The following ANGPTL7 variants were observed in gnomAD, a reference collection of about 807,000 sequenced individuals.
ANGPTL7 encodes the protein angiopoietin like 7, also known as angiopoietin-related protein 7.
A neutral mutation model predicts 38.8 loss-of-function variants in ANGPTL7; 37 were observed. That is an observed-to-expected ratio of 0.95 (90% CI 0.73 to 1.25). The LOEUF (loss-of-function observed/expected upper bound fraction) is 1.25, where lower values mean the gene tolerates loss of function less well. Among genes scored for constraint, ANGPTL7 ranks in the 50% most tolerant of loss-of-function variants. The pLI is 0.00. For missense variants in ANGPTL7, 427 were observed against 438.6 expected (o/e 0.97, Z 0.24); for synonymous variants, 166 against 163.2 (o/e 1.02, Z -0.13).
Position 11,193,745 on chromosome 1 carries a change from C to A in ANGPTL7, c.643C>A (p.Gln215Lys), listed in dbSNP as rs753849464. The A allele has an allele frequency of 6.2e-7, 1 of 1,614,152 alleles. No individual in the cohort carries two copies. The highest frequency in any genetic ancestry group is 8.5e-7 in the Non-Finnish European group (1 of 1,180,018). Residue 215 changes from glutamine to lysine, a missense_variant, in exon 3 of 5, where the codon CAG (glutamine) becomes AAG (lysine). By Grantham distance (53) the Gln-to-Lys change is moderately conservative (BLOSUM62 1). Transcript: ENST00000376819. ...GNEHIHRLSRQPTRLRVEMED... is the reference protein window; with the variant it reads ...GNEHIHRLSRKPTRLRVEMED... ...CGAACACATCCACCGGCTCTCCAGACAGCCAACCCGGCTGCGTGTAGAGAT... is the reference window on the plus strand; with the variant it reads ...CGAACACATCCACCGGCTCTCCAGAAAGCCAACCCGGCTGCGTGTAGAGAT...
chr1:11,192,467 A>G (rs1033439041), intron 2 of ANGPTL7, 97 bp downstream of exon 2: 7 of 1,114,104 alleles, frequency 6.3e-6, no homozygotes, highest in Non-Finnish European at 9.3e-6. Flanking sequence ...TAAAGAAAGG[A>G]AAATTCGGCT....
At position 11,195,044 on chromosome 1, in the gene ANGPTL7, C is replaced by T. The variant is rs758209697; in HGVS notation, c.*21C>T. The T allele has an allele frequency of 2.5e-5, 40 of 1,610,694 alleles. No homozygotes were observed. Among genetic ancestry groups the T allele is most frequent in the South Asian group, 4.4e-5 (4 of 90,726 alleles). ...CTTAAAAGGAGGCTGCCGTGGAGCA[C>T]GGATACAGAAACTGAGACACGTGGA... On this transcript the variant is annotated 3_prime_UTR_variant, in exon 5 of 5. Coordinates refer to ENST00000376819, the MANE Select transcript of ANGPTL7 (RefSeq NM_021146.4).
At chr1:11,193,247 T>C (rs1645620876) in intron 2 of ANGPTL7, among the ~76,000 whole-genome samples, 1 of 151,630 alleles carries the variant, frequency 6.6e-6, no homozygotes, top group Non-Finnish European at 1.5e-5. Flanking sequence ...GAGGTGGAGG[T>C]TGCAGTGAGC....
intron 2 of ANGPTL7, among the ~76,000 whole-genome samples, chr1:11,192,635 G>A (rs1645587045): frequency 1.3e-5 from 2 of 151,224 alleles, no homozygotes; most frequent in Admixed American, 6.6e-5. Flanking sequence ...GTGGGCACCT[G>A]TAATCCCTGC....
In ANGPTL7 at chr1:11,194,651, T is replaced by A. The variant is rs747046261; in HGVS notation, c.863T>A (p.Leu288His). 48 of 1,614,040 alleles carry A rather than the reference T, an allele frequency of 3.0e-5. No individual in the cohort carries two copies. The highest frequency in any genetic ancestry group is 3.7e-5 in the Non-Finnish European group (44 of 1,180,002). Residue 288 changes from leucine (L) to histidine (H), a missense_variant, in exon 4 of 5, where the codon CTC becomes CAC. Transcript: ENST00000376819. ...NDNCLDKCAQ[L>H]RKGGYWYNCC... is the part of the protein sequence containing the mutation. ...AACTGCTTGGACAAGTGTGCACAGC[T>A]CCGCAAAGGTGAGATTTGGGGGGAC...
At position 11,189,578 on chromosome 1, in the gene ANGPTL7, A is replaced by AGATGCT. The variant is rs761059037; in HGVS notation, c.2_7dup. On this transcript the variant is annotated 5_prime_UTR_variant, in exon 1 of 5. In the 5' UTR this introduces an upstream ATG that the reference lacks. Transcript: ENST00000376819. The stretch of plus-strand genomic sequence containing the variant: ...AGCCTTCCTCACCCAAACCCACAAA[A>AGATGCT]GATGCTGAAAAAGCCTCTCTCAGCT... 6.3e-7 allele frequency: 1 copy of AGATGCT among 1,592,838 alleles called. No homozygotes were observed. Among genetic ancestry groups the AGATGCT allele is most frequent in the African/African-American group, 1.3e-5 (1 of 74,124 alleles).
In ANGPTL7 at chr1:11,195,192, G is replaced by C. The variant is rs1264780902; in HGVS notation, c.*169G>C. ...AGCACAAAAAAATCATATGTACCAAGGATGTTACAGTAAACAGGATGAACT... is the reference window on the plus strand; with the variant it reads ...AGCACAAAAAAATCATATGTACCAACGATGTTACAGTAAACAGGATGAACT... On this transcript the variant is annotated 3_prime_UTR_variant, in exon 5 of 5. Transcript: ENST00000376819. The C allele has an allele frequency of 1.4e-6, 1 of 726,860 alleles. No homozygotes were observed. The highest frequency in any genetic ancestry group is 2.2e-6 in the Non-Finnish European group (1 of 451,266). The allele number at this position is 726,860 out of a possible 1,614,324, so 45.0% of individuals were successfully genotyped here.
Position 11,195,211 on chromosome 1 carries a change from A to G in ANGPTL7, c.*188A>G. 1.5e-6 allele frequency: 1 copy of G among 673,892 alleles called. No homozygotes were observed. The highest frequency in any genetic ancestry group is 2.4e-6 in the Non-Finnish European group (1 of 410,210). 41.7% of individuals were successfully genotyped at this position (673,892 alleles called of 1,614,324 possible). ...TACCAAGGATGTTACAGTAAACAGG[A>G]TGAACTATTTAAACCCACTGGGTCC... On this transcript the variant is annotated 3_prime_UTR_variant, in exon 5 of 5. Coordinates refer to ENST00000376819, the MANE Select transcript of ANGPTL7 (RefSeq NM_021146.4).
chr1:11,191,991 G>A (rs1645555176), intron 1 of ANGPTL7, among the ~76,000 whole-genome samples: 1 of 152,178 alleles, frequency 6.6e-6, no homozygotes, highest in Non-Finnish European at 1.5e-5. Flanking sequence ...AGCTATAGCA[G>A]AATAATTTAT....
chr1:11,191,791 G>A (rs1645542635), intron 1 of ANGPTL7, among the ~76,000 whole-genome samples: 1 of 152,136 alleles, frequency 6.6e-6, no homozygotes, highest in African/African-American at 2.4e-5. Context: ...ATGGTCTCAG[G>A]TGGCAGTAGC....
chr1:11,190,023 C>T, intron 1 of ANGPTL7, 68 bp downstream of exon 1: 1 of 1,528,204 alleles, frequency 6.5e-7, no homozygotes, highest in South Asian at 1.3e-5. Context: ...TCTACATATC[C>T]TGGTCATCAG....
chr1:11,190,988 G>A (rs188531896), intron 1 of ANGPTL7, among the ~76,000 whole-genome samples: 32 of 152,220 alleles, frequency 2.1e-4, no homozygotes, highest in South Asian at 6.2e-4. Context: ...ATGGACTTCC[G>A]GGCCCTCAGT....
rs1296206536 is a variant in ANGPTL7 at position 11,194,944 on chromosome 1, C to T, written c.962C>T (p.Thr321Ile). ...CACAATAAGCACCTGGATGGCATCA[C>T]CTGGTATGGCTGGCATGGATCTACC... The part of the protein sequence containing the change: ...GEHNKHLDGI[T>I]WYGWHGSTYS... Residue 321 changes from threonine (T) to isoleucine (I), a missense_variant, in exon 5 of 5, where the codon ACC becomes ATC. Transcript: ENST00000376819. 3 of 1,613,974 alleles carry T rather than the reference C, an allele frequency of 1.9e-6. No individual in the cohort carries two copies. Among genetic ancestry groups the T allele is most frequent in the South Asian group, 1.1e-5 (1 of 91,088 alleles).
chr1:11,195,537 AC>A lies in ANGPTL7; in HGVS notation c.*515del, dbSNP rs1019372478. The A allele has an allele frequency of 6.4e-6, 1 of 155,242 alleles. No homozygotes were observed. The highest frequency in any genetic ancestry group is 2.4e-5 in the African/African-American group (1 of 41,432). 9.6% of individuals were successfully genotyped at this position (155,242 alleles called of 1,614,324 possible). ...AATCCAGTGAAATTATCTTGAGTCT[AC>A]ACATTATTTTTAAAACACAAAAATT... On this transcript the variant is annotated 3_prime_UTR_variant, in exon 5 of 5. Transcript: ENST00000376819.
At chr1:11,191,760 T>C (rs1388104318) in intron 1 of ANGPTL7, among the ~76,000 whole-genome samples, 1 of 152,146 alleles carries the variant, frequency 6.6e-6, no homozygotes, top group African/African-American at 2.4e-5. Flanking sequence ...TATGTGATAA[T>C]AAAATCTATC....
At chr1:11,192,805 C>G (rs1645597943) in intron 2 of ANGPTL7, among the ~76,000 whole-genome samples, 1 of 149,872 alleles carries the variant, frequency 6.7e-6, no homozygotes, top group Non-Finnish European at 1.5e-5. Context: ...CCAAACACCA[C>G]AGAGCTATGC....
At chr1:11,193,486 C>A in intron 2 of ANGPTL7, 94 bp from the exon 3 acceptor site, 1 of 1,145,980 alleles carries the variant, frequency 8.7e-7, no homozygotes. Flanking sequence ...CATCTACTGG[C>A]TCTGCAGGGA....
At chr1:11,193,379 C>T (rs1645627796) in intron 2 of ANGPTL7, among the ~76,000 whole-genome samples, 1 of 152,110 alleles carries the variant, frequency 6.6e-6, no homozygotes, top group Admixed American at 6.5e-5. Context: ...GCCCAATTTG[C>T]ATCGTTCTTC....
At chr1:11,190,893 G>C (rs563802966) in intron 1 of ANGPTL7, among the ~76,000 whole-genome samples, 1 of 152,304 alleles carries the variant, frequency 6.6e-6, no homozygotes, top group South Asian at 2.1e-4. Flanking sequence ...GTTAACCTCA[G>C]CTCAAATTAA....
Sources: allele counts gnomAD v4.1 joint callset (sites outside exome capture counted in the v4.1 genomes callset), GRCh38; gene constraint gnomAD v4.1.1; transcripts MANE v1.5; gene names NCBI Gene and HGNC (gene_info 2026-07-23, HGNC 2026-07-21).